Variants in SSBP3 observed in about 807,000 individuals in gnomAD.
The protein encoded by SSBP3 is single-stranded DNA-binding protein 3.
A neutral mutation model predicts 69.6 loss-of-function variants in SSBP3; 5 were observed. The ratio of observed to expected loss-of-function variants is 0.07; its 90% CI spans 0.04 to 0.15. The LOEUF is 0.15. Ranked by LOEUF, SSBP3 falls within the 10% of genes least tolerant of loss-of-function variation. The pLI, the probability that SSBP3 is intolerant of heterozygous loss-of-function variation, is 1.00. For missense variants in SSBP3, 312 were observed against 534.0 expected (o/e 0.58, Z 4.10); for synonymous variants, 196 against 193.4 (o/e 1.01, Z -0.11).
At chr1:54,347,169 T>C (rs1015206223) in intron 4 of SSBP3, among the ~76,000 whole-genome samples, 4 of 152,124 alleles carry the variant, frequency 2.6e-5, no homozygotes, top group Non-Finnish European at 5.9e-5. Flanking sequence ...GGTCTCACTA[T>C]GTTAACCAAG....
At chr1:54,376,101 C>G (rs911726138) in intron 4 of SSBP3, among the ~76,000 whole-genome samples, 1 of 152,108 alleles carries the variant, frequency 6.6e-6, no homozygotes, top group African/African-American at 2.4e-5. Context: ...ACCCCTCCCC[C>G]AAGCCCAGCC....
exon 1 of SSBP3, chr1:54,406,262 TG>T: frequency 1.2e-5 from 4 of 331,396 alleles, no homozygotes; most frequent in Non-Finnish European, 1.6e-5. Flanking sequence ...CGGCTCGGCC[TG>T]GGGGTGCCGC....
rs751240941 is a variant in SSBP3 at position 54,241,518 on chromosome 1, A to T, written c.766-9T>A. ...GAGGAGGAGTATGGAATCTAAAAAC[A>T]AGATGTCAGGGAGCCCCACGTCAGA... On this transcript the variant is annotated splice_polypyrimidine_tract_variant and intron_variant, in intron 11 of 17. Transcript: ENST00000610401. 2.0e-5 allele frequency: 32 copies of T among 1,613,806 alleles called. No individual in the cohort carries two copies. In the Admixed American group the frequency reaches 5.3e-4, roughly 27 times the overall value.
chr1:54,404,816 G>GGGT, intron 2 of SSBP3, 42 bp downstream of exon 2: 1 of 1,065,850 alleles, frequency 9.4e-7, no homozygotes. Context: ...AGTGGGGGGG[G>GGGT]GGGGTGTCAA....
In SSBP3 at chr1:54,381,081, A is replaced by G. The variant is rs553961518; in HGVS notation, c.276+20780T>C. Among the ~76,000 whole-genome samples the G allele has an allele frequency of 1.6e-4, 24 of 151,878 alleles. No individual in the cohort carries two copies. In the East Asian group the frequency reaches 3.3e-3, roughly 21 times the overall value. ...GCCTGGGTGACAAGGTAAGACCCCA[A>G]TACTTTTAAAAAAGAGAGAGAGGCT... On this transcript the variant is annotated intron_variant, in intron 4 of 17. Coordinates refer to ENST00000610401, the Ensembl canonical transcript of SSBP3.
chr1:54,238,334 G>T, intron 14 of SSBP3: 1 of 471,092 alleles, frequency 2.1e-6, no homozygotes, highest in Non-Finnish European at 4.4e-6. Context: ...CCACTCTCTG[G>T]CTCTACAGTC....
chr1:54,277,947 C>A (rs1241502084), intron 5 of SSBP3, among the ~76,000 whole-genome samples: 1 of 152,194 alleles, frequency 6.6e-6, no homozygotes, highest in Admixed American at 6.5e-5. Flanking sequence ...AAAAATGCCA[C>A]TGCTTGATTA....
intron 4 of SSBP3, chr1:54,287,502 C>A (rs1023271509): frequency 6.6e-6 from 1 of 152,272 alleles, no homozygotes; most frequent in African/African-American, 2.4e-5. Context: ...GCTTGGGGCA[C>A]TCCTGTGATG....
chr1:54,365,110 T>A (rs1647008789), intron 4 of SSBP3, among the ~76,000 whole-genome samples: 1 of 152,094 alleles, frequency 6.6e-6, no homozygotes, highest in South Asian at 2.1e-4. Context: ...AGAGCTTTTT[T>A]TGCACCCGCA....
Position 54,380,489 on chromosome 1 carries a change from T to TA in SSBP3, c.276+21371dup, listed in dbSNP as rs1647540494. 3.9e-5 allele frequency among the ~76,000 whole-genome samples: 6 copies of TA among 152,224 alleles called. No individual in the cohort carries two copies. In the South Asian group the frequency reaches 1.2e-3, roughly 32 times the overall value. ...CGCCGTGCCGACACATGCTCCGAGT[T>TA]AAAAACATTTTCAAAAAGAAAACGG... On this transcript the variant is annotated intron_variant, in intron 4 of 17. Transcript: ENST00000610401.
intron 4 of SSBP3, among the ~76,000 whole-genome samples, chr1:54,352,561 A>G (rs1012763879): frequency 2.6e-5 from 4 of 152,158 alleles, no homozygotes; most frequent in Non-Finnish European, 5.9e-5. Context: ...AAAGTCATCC[A>G]TATGGGGTCT....
At chr1:54,337,450 G>C (rs1646527735) in intron 4 of SSBP3, among the ~76,000 whole-genome samples, 1 of 143,520 alleles carries the variant, frequency 7.0e-6, no homozygotes, top group Admixed American at 7.0e-5. Flanking sequence ...AGCAGCAAAA[G>C]GTTGGCTGAA....
chr1:54,238,326 A>G, intron 14 of SSBP3: 1 of 470,972 alleles, frequency 2.1e-6, no homozygotes, highest in South Asian at 1.5e-5. Flanking sequence ...CCCCAGGCCC[A>G]CTCTCTGGCT....
rs1644349245 is a variant in SSBP3, at chr1:54,229,697, CCCAGCCTGG to C, written c.928-880_928-872del. ...ACGGGGCTGGGGAGGGGCGGCTGAG[CCCAGCCTGG>C]AGCGCCAAGGCCCTGTGATGCAGAC... On this transcript the variant is annotated intron_variant, in intron 14 of 17. Transcript: ENST00000610401. Among the ~76,000 whole-genome samples, 4 of 152,174 alleles carry C rather than the reference CCCAGCCTGG, an allele frequency of 2.6e-5. No individual in the cohort carries two copies. In the South Asian group the frequency reaches 8.3e-4, roughly 32 times the overall value.
At chr1:54,409,062 C>G (rs1260272801), upstream of SSBP3, among the ~76,000 whole-genome samples, 1 of 152,144 alleles carries the variant, frequency 6.6e-6, no homozygotes, top group African/African-American at 2.4e-5. Context: ...CACAATTATC[C>G]AAAATGTGGT....
intron 4 of SSBP3, among the ~76,000 whole-genome samples, chr1:54,316,669 T>A (rs199982968): frequency 0.061 from 2,638 of 42,912 alleles, 400 homozygotes; most frequent in African/African-American, 0.23. Context: ...ATAAAATAAA[T>A]AAATAAATAA....
chr1:54,340,920 C>G (rs1158202692), intron 4 of SSBP3, among the ~76,000 whole-genome samples: 1 of 152,218 alleles, frequency 6.6e-6, no homozygotes, highest in Admixed American at 6.5e-5. Context: ...TGCTGGAAAG[C>G]AGGGCAGTGG....
intron 4 of SSBP3, among the ~76,000 whole-genome samples, chr1:54,333,973 T>G (rs2100472851): frequency 6.6e-6 from 1 of 152,202 alleles, no homozygotes; most frequent in Non-Finnish European, 1.5e-5. Context: ...GAAGGATCAC[T>G]TGAGCCCAGG....
At chr1:54,309,525 T>G (rs1407087205) in intron 4 of SSBP3, among the ~76,000 whole-genome samples, 1 of 152,242 alleles carries the variant, frequency 6.6e-6, no homozygotes, top group Non-Finnish European at 1.5e-5. Context: ...CAAGGCAGAC[T>G]GCACCGTGAG....
Sources: allele counts gnomAD v4.1 joint callset (sites outside exome capture counted in the v4.1 genomes callset), GRCh38; gene constraint gnomAD v4.1.1; transcripts MANE v1.5; gene names NCBI Gene and HGNC (gene_info 2026-07-23, HGNC 2026-07-21).